The following TOX2 variants were observed in gnomAD, a reference collection of about 807,000 sequenced individuals.
TOX2 encodes TOX high mobility group box family member 2.
TOX2 carries 15 observed loss-of-function variants against 47.4 expected under a neutral mutation model. The ratio of observed to expected loss-of-function variants is 0.32; its 90% CI spans 0.21 to 0.49. TOX2 has a LOEUF of 0.49. Among genes scored for constraint, TOX2 ranks in the 20% least tolerant of loss-of-function variants. TOX2 has a pLI of 0.99. For missense variants in TOX2, 622 were observed against 673.1 expected (o/e 0.92, Z 0.84); for synonymous variants, 290 against 296.6 (o/e 0.98, Z 0.23).
chr20:44,056,572 CCT>C (rs1414963748), intron 5 of TOX2, among the ~76,000 whole-genome samples: 2 of 152,152 alleles, frequency 1.3e-5, no homozygotes, highest in African/African-American at 2.4e-5. Flanking sequence ...AGTCCCAGCC[CCT>C]GTGTCGGTTT....
rs111866503 is a variant in TOX2 at position 44,027,410 on chromosome 20, C to G, written c.411+20618C>G. On this transcript the variant is annotated intron_variant, in intron 3 of 8. Transcript: ENST00000341197. Reference sequence around the variant, plus strand: ...TGCTGAGCCCACCCGGAACCCACCACCAGGCTTCCTGCCTTGAGTCTGTCC... The same window carrying G: ...TGCTGAGCCCACCCGGAACCCACCAGCAGGCTTCCTGCCTTGAGTCTGTCC... Among the ~76,000 whole-genome samples the G allele has an allele frequency of 4.1e-3, 623 of 152,312 alleles. 2 individuals carry two copies. Among genetic ancestry groups the G allele is most frequent in the African/African-American group, 0.014 (589 of 41,572 alleles).
Position 43,915,079 on chromosome 20 carries a change from C to CCG in TOX2, c.99+93_99+94dup. On this transcript the variant is annotated intron_variant, in intron 1 of 8. Transcript: ENST00000341197. This position sits in a 1 kb window ranked among gnomAD's most constrained non-coding sequence, Gnocchi z 7.1. ...CAGGCGCTCCCGGGGTCACACGGGGCCGCGCACATCAGCCCCGCCGACGGG... is the reference window on the plus strand; with the variant it reads ...CAGGCGCTCCCGGGGTCACACGGGGCCGCGCGCACATCAGCCCCGCCGACGGG... 1.4e-6 allele frequency: 1 copy of CCG among 739,870 alleles called. No homozygotes were observed. The highest frequency in any genetic ancestry group is 1.7e-6 in the Non-Finnish European group (1 of 579,634). 45.8% of individuals were successfully genotyped at this position (739,870 alleles called of 1,614,324 possible).
At chr20:44,049,085 G>T (rs1385136234) in intron 3 of TOX2, among the ~76,000 whole-genome samples, 2 of 152,200 alleles carry the variant, frequency 1.3e-5, no homozygotes, top group African/African-American at 2.4e-5. Flanking sequence ...TCCAGCCTGC[G>T]CGATGCAGCA....
chr20:43,968,708 C>T (rs1241096651), intron 1 of TOX2, among the ~76,000 whole-genome samples: 1 of 152,228 alleles, frequency 6.6e-6, no homozygotes, highest in Non-Finnish European at 1.5e-5. Context: ...GCAGAACAAT[C>T]TTCCAGCTGT....
intron 3 of TOX2, among the ~76,000 whole-genome samples, chr20:44,014,829 C>T (rs962658387): frequency 1.9e-4 from 29 of 152,028 alleles, no homozygotes; most frequent in Non-Finnish European, 2.2e-4. Context: ...CCAACTTTGT[C>T]GGGGGCTGAG....
chr20:43,974,214 G>A (rs1434927353), intron 2 of TOX2, among the ~76,000 whole-genome samples: 1 of 150,232 alleles, frequency 6.7e-6, no homozygotes, highest in East Asian at 2.0e-4. Flanking sequence ...CTGAGATCAG[G>A]GAGGGTCCTC....
intron 2 of TOX2, among the ~76,000 whole-genome samples, chr20:43,975,352 A>G (rs2070057877): frequency 6.6e-6 from 1 of 152,142 alleles, no homozygotes; most frequent in African/African-American, 2.4e-5. Flanking sequence ...CAATTCCCCC[A>G]ACACTTTGCA....
chr20:44,041,661 G>A (rs967622262), intron 3 of TOX2, among the ~76,000 whole-genome samples: 8 of 152,162 alleles, frequency 5.3e-5, no homozygotes, highest in African/African-American at 1.4e-4. Context: ...TGAAAGGTCC[G>A]ACTATATATT....
chr20:43,943,886 G>T (rs1465576159), intron 1 of TOX2, among the ~76,000 whole-genome samples: 1 of 152,110 alleles, frequency 6.6e-6, no homozygotes, highest in Non-Finnish European at 1.5e-5. Context: ...TCTATCGATG[G>T]ACTTTATTGT....
At chr20:44,008,486 G>A (rs1012022329) in intron 3 of TOX2, among the ~76,000 whole-genome samples, 1 of 152,094 alleles carries the variant, frequency 6.6e-6, no homozygotes, top group Non-Finnish European at 1.5e-5. Flanking sequence ...CTTGAACCTG[G>A]GAGGTAAAGG....
At chr20:44,016,910 T>C (rs1482963718) in intron 3 of TOX2, among the ~76,000 whole-genome samples, 1 of 152,200 alleles carries the variant, frequency 6.6e-6, no homozygotes, top group Non-Finnish European at 1.5e-5. Context: ...TTTAACGAAA[T>C]ATTTTGAAAA....
chr20:43,991,590 C>T (rs2145549840), intron 2 of TOX2, among the ~76,000 whole-genome samples: 1 of 150,802 alleles, frequency 6.6e-6, no homozygotes, highest in Non-Finnish European at 1.5e-5. Flanking sequence ...AATTTATATC[C>T]TAGTGAAGGG....
At chr20:43,972,570 T>TA in intron 1 of TOX2, among the ~76,000 whole-genome samples, 1 of 152,340 alleles carries the variant, frequency 6.6e-6, no homozygotes, top group South Asian at 2.1e-4. Context: ...TCAAGTGCTC[T>TA]ACAGTGCAAC....
intron 1 of TOX2, among the ~76,000 whole-genome samples, chr20:43,958,240 C>T (rs536162196): frequency 8.5e-5 from 13 of 152,282 alleles, no homozygotes; most frequent in South Asian, 6.2e-4. Flanking sequence ...TGTGGCTTCA[C>T]GGAATGTTTC....
intron 1 of TOX2, among the ~76,000 whole-genome samples, chr20:43,922,391 T>C (rs976267322): frequency 1.3e-5 from 2 of 152,106 alleles, no homozygotes; most frequent in Non-Finnish European, 2.9e-5. Context: ...GAACCAGTGA[T>C]GTGGGAAGAA....
At chr20:44,002,264 T>G (rs1029328273) in intron 2 of TOX2, among the ~76,000 whole-genome samples, 3 of 152,210 alleles carry the variant, frequency 2.0e-5, no homozygotes, top group Admixed American at 6.5e-5. Context: ...ATAATATTCA[T>G]GACCACCTGC....
intron 1 of TOX2, among the ~76,000 whole-genome samples, chr20:43,943,459 AC>A (rs2069426390): frequency 6.6e-6 from 1 of 151,960 alleles, no homozygotes; most frequent in African/African-American, 2.4e-5. Flanking sequence ...CTTGACTGAC[AC>A]CTTTTTCATG....
Position 43,936,361 on chromosome 20 carries a change from T to C in TOX2, c.99+21371T>C, listed in dbSNP as rs538666222. On this transcript the variant is annotated intron_variant, in intron 1 of 8. Coordinates refer to ENST00000341197, the MANE Select transcript of TOX2 (RefSeq NM_001098797.2). The stretch of plus-strand genomic sequence containing the variant: ...GCGCAAATGCTCTTATATTAGCTCC[T>C]GTATTGGTTGTGTATTGCTTCACAG... Among the ~76,000 whole-genome samples the C allele has an allele frequency of 1.6e-4, 24 of 152,378 alleles. 1 individual carries two copies. The South Asian group carries it at 5.0e-3, about 32-fold the overall frequency.
At chr20:43,963,238 GACC>G (rs1180229346) in intron 1 of TOX2, among the ~76,000 whole-genome samples, 1 of 152,126 alleles carries the variant, frequency 6.6e-6, no homozygotes, top group African/African-American at 2.4e-5. Flanking sequence ...GTGCTATAGT[GACC>G]ACTGCCATTT....
Sources: allele counts gnomAD v4.1 joint callset (sites outside exome capture counted in the v4.1 genomes callset), GRCh38; gene constraint gnomAD v4.1.1; non-coding constraint Gnocchi (gnomAD v3.1); transcripts MANE v1.5; gene names NCBI Gene and HGNC (gene_info 2026-07-23, HGNC 2026-07-21).